NHSL3: variants seen among roughly 807,000 people sequenced by gnomAD.
The protein encoded by NHSL3 is NHS-like protein 3.
At chr1:32,768,523 AG>A in the NHSL3 span, 1 of 1,014,058 alleles carries the variant, frequency 9.9e-7, no homozygotes, top group Non-Finnish European at 1.5e-6. Flanking sequence ...TGAACTTGGG[AG>A]GCGGAGGTTG....
chr1:32,768,602 G>C, the NHSL3 span: 11 of 1,598,690 alleles, frequency 6.9e-6, no homozygotes, highest in African/African-American at 1.5e-4. Flanking sequence ...AAGTTCCAAT[G>C]GGGAGCCTTG....
chr1:32,742,268 G>T, the NHSL3 span: 1 of 1,209,698 alleles, frequency 8.3e-7, no homozygotes, highest in Admixed American at 4.3e-5. Flanking sequence ...GGGTCCGCGC[G>T]CGGCGTGTTG....
At chr1:32,765,846 G>T in the NHSL3 span, 6 of 1,542,624 alleles carry the variant, frequency 3.9e-6, no homozygotes, top group East Asian at 1.2e-4. Flanking sequence ...GTGTGGCTTG[G>T]GGGGAGGGGA....
chr1:32,770,654 G>A, the NHSL3 span: 5,742 of 1,524,222 alleles, frequency 3.8e-3, 26 homozygotes, highest in Non-Finnish European at 4.1e-3. This position sits in a 1 kb window ranked among gnomAD's most constrained non-coding sequence, Gnocchi z 8.3. Flanking sequence ...GTGTCCCTGC[G>A]TAAGCTGAAG....
the NHSL3 span, chr1:32,769,584 C>T: frequency 1.5e-5 from 15 of 1,028,790 alleles, no homozygotes; most frequent in Middle Eastern, 2.9e-4. Flanking sequence ...AACCATTTCT[C>T]GCAGAGCTCT....
the NHSL3 span, chr1:32,765,587 G>T: frequency 6.7e-7 from 1 of 1,484,650 alleles, no homozygotes; most frequent in Admixed American, 2.1e-5. Flanking sequence ...CGGGATCAGT[G>T]GCGAAGGTGG....
chr1:32,749,367 A>G, the NHSL3 span, among the ~76,000 whole-genome samples: 9 of 152,310 alleles, frequency 5.9e-5, no homozygotes, highest in African/African-American at 2.2e-4. Flanking sequence ...TGCCCTGGCC[A>G]GCACAAGGCC....
At chr1:32,752,418 G>A in the NHSL3 span, among the ~76,000 whole-genome samples, 1 of 152,158 alleles carries the variant, frequency 6.6e-6, no homozygotes, top group Non-Finnish European at 1.5e-5. Context: ...TTCCAGCCCA[G>A]TGCTCTCTCT....
chr1:32,771,269 T>G, the NHSL3 span: 1 of 1,612,100 alleles, frequency 6.2e-7, no homozygotes, highest in Non-Finnish European at 8.5e-7. Flanking sequence ...CCTGGGCCTG[T>G]TTCTACCACT....
At chr1:32,753,935 A>G in the NHSL3 span, 1 of 250,848 alleles carries the variant, frequency 4.0e-6, no homozygotes, top group Non-Finnish European at 7.9e-6. Flanking sequence ...CGGCCTGGCC[A>G]TTGGCCGCAG....
At chr1:32,771,970 C>G in the NHSL3 span, 1 of 1,606,438 alleles carries the variant, frequency 6.2e-7, no homozygotes, top group Non-Finnish European at 8.5e-7. Flanking sequence ...CTCAGGGCTC[C>G]ATGCTGCGGT....
At chr1:32,765,672 G>C in the NHSL3 span, 3 of 1,536,138 alleles carry the variant, frequency 2.0e-6, no homozygotes, top group African/African-American at 4.1e-5. Context: ...GGGAGGGCTC[G>C]CATCCCCATA....
At chr1:32,760,791 G>T in the NHSL3 span, among the ~76,000 whole-genome samples, 1 of 152,028 alleles carries the variant, frequency 6.6e-6, no homozygotes, top group Non-Finnish European at 1.5e-5. Flanking sequence ...GGCTTTCACG[G>T]CGTTGGCCAG....
chr1:32,770,934 G>A, the NHSL3 span: 6 of 1,610,852 alleles, frequency 3.7e-6, no homozygotes, highest in Admixed American at 1.7e-5. This position sits in a 1 kb window ranked among gnomAD's most constrained non-coding sequence, Gnocchi z 8.3. Context: ...GTGGATACTC[G>A]AGCCAAAGTG....
At chr1:32,771,357 C>T in the NHSL3 span, 1 of 1,591,762 alleles carries the variant, frequency 6.3e-7, no homozygotes, top group Non-Finnish European at 8.6e-7. Flanking sequence ...TCTCCAAAGA[C>T]CAGTCACCCC....
chr1:32,771,908 A>T, the NHSL3 span: 1 of 1,591,996 alleles, frequency 6.3e-7, no homozygotes, highest in Non-Finnish European at 8.6e-7. Flanking sequence ...GCCCCCCAGA[A>T]ACCACTGCGA....
the NHSL3 span, among the ~76,000 whole-genome samples, chr1:32,769,175 ACC>A: frequency 6.6e-6 from 1 of 151,928 alleles, no homozygotes; most frequent in Admixed American, 6.6e-5. Flanking sequence ...AATGGCGTGA[ACC>A]CAGGAGGTGG....
the NHSL3 span, chr1:32,769,947 C>T: frequency 8.1e-6 from 13 of 1,607,516 alleles, no homozygotes; most frequent in South Asian, 8.8e-5. Flanking sequence ...CCGTACGCAT[C>T]CCCACAGTGG....
chr1:32,769,861 T>TCCTC, the NHSL3 span: 1 of 1,611,186 alleles, frequency 6.2e-7, no homozygotes, highest in Non-Finnish European at 8.5e-7. Context: ...TGACCCCACC[T>TCCTC]CCTCCCTGTC....
Sources: allele counts gnomAD v4.1 joint callset (sites outside exome capture counted in the v4.1 genomes callset), GRCh38; gene constraint gnomAD v4.1.1; non-coding constraint Gnocchi (gnomAD v3.1); transcripts MANE v1.5; gene names NCBI Gene and HGNC (gene_info 2026-07-23, HGNC 2026-07-21).